FGFR2: variants seen among roughly 807,000 people sequenced by gnomAD.
FGFR2 encodes the protein fibroblast growth factor receptor 2.
Under a neutral mutation model 95.9 loss-of-function variants are expected in FGFR2, and 19 were observed. The observed-to-expected ratio is 0.20, with a 90% CI of 0.14 to 0.29. The LOEUF is 0.29. Among genes scored for constraint, FGFR2 ranks in the 10% least tolerant of loss-of-function variants. The pLI, the probability that FGFR2 is intolerant of heterozygous loss-of-function variation, is 1.00. For missense variants in FGFR2, 707 were observed against 1,056.9 expected (o/e 0.67, Z 4.59); for synonymous variants, 392 against 393.3 (o/e 1.00, Z 0.04).
intron 17 of FGFR2, 52 bp downstream of exon 17, chr10:121,483,646 C>T (rs1845044491): frequency 1.5e-5 from 19 of 1,285,554 alleles, no homozygotes; most frequent in South Asian, 1.2e-4. Flanking sequence ...AAACACTACG[C>T]ATGTCTCACA....
intron 4 of FGFR2, among the ~76,000 whole-genome samples, chr10:121,562,072 T>C (rs936079131): frequency 1.3e-5 from 2 of 152,214 alleles, no homozygotes; most frequent in Admixed American, 1.3e-4. Context: ...CTCTCATTCA[T>C]TGCTGGTGGG....
chr10:121,533,879 C>T (rs1198630636), intron 6 of FGFR2, among the ~76,000 whole-genome samples: 1 of 152,154 alleles, frequency 6.6e-6, no homozygotes, highest in Non-Finnish European at 1.5e-5. Context: ...TGAACCTGAA[C>T]TTCCTCCACT....
intron 4 of FGFR2, among the ~76,000 whole-genome samples, chr10:121,553,428 TG>T (rs1478313693): frequency 6.6e-6 from 1 of 152,200 alleles, no homozygotes; most frequent in African/African-American, 2.4e-5. Flanking sequence ...TCTCAGGGCC[TG>T]GCATATACTG....
chr10:121,548,281 G>GTTTTTTTTTT (rs1854856584), intron 5 of FGFR2, among the ~76,000 whole-genome samples: 11 of 31,996 alleles, frequency 3.4e-4, no homozygotes, highest in Middle Eastern at 0.016. Flanking sequence ...TTTTTTTTTG[G>GTTTTTTTTTT]TAAAGCAAAA....
intron 2 of FGFR2, among the ~76,000 whole-genome samples, chr10:121,572,288 T>A (rs529489659): frequency 1.3e-5 from 2 of 151,988 alleles, no homozygotes. Flanking sequence ...ACTGCATTCC[T>A]GCCTGGGTGA....
At position 121,561,856 on chromosome 10, in the gene FGFR2, C is replaced by T. The variant is rs1390285654; in HGVS notation, c.454+2646G>A. Among the ~76,000 whole-genome samples the T allele has an allele frequency of 2.0e-5, 3 of 152,196 alleles. No individual in the cohort carries two copies. The East Asian group carries it at 5.8e-4, about 29-fold the overall frequency. The stretch of plus-strand genomic sequence containing the variant: ...TATAACTCGACAGTAAGAAAACAAA[C>T]AACCTAATTAAAAAATGGGCCAACG... On this transcript the variant is annotated intron_variant, in intron 4 of 17. Transcript: ENST00000358487.
chr10:121,505,447 G>A (rs1848145527), intron 9 of FGFR2, among the ~76,000 whole-genome samples: 1 of 152,206 alleles, frequency 6.6e-6, no homozygotes, highest in South Asian at 2.1e-4. Flanking sequence ...TATGCAGATA[G>A]TATGAGCAAC....
Position 121,503,814 on chromosome 10 carries a change from G to T in FGFR2, c.1415C>A (p.Pro472Gln), listed in dbSNP as rs1459232873. 6.2e-7 allele frequency: 1 copy of T among 1,614,088 alleles called. No individual in the cohort carries two copies. The highest frequency in any genetic ancestry group is 8.5e-7 in the Non-Finnish European group (1 of 1,180,016). ...CTTATCTCTTGGAAACTCCCATTTTGGGTCCTCTGGAAGTTCATACTCGGA... is the reference window on the plus strand; with the variant it reads ...CTTATCTCTTGGAAACTCCCATTTTTGGTCCTCTGGAAGTTCATACTCGGA... ...GVSEYELPED[P>Q]KWEFPRDKLT... Residue 472 changes from proline to glutamine, a missense_variant, in exon 10 of 18, where the codon CCA (proline) becomes CAA (glutamine). Around this residue, in one of 7 missense-constraint regions of FGFR2, gnomAD observed 194 missense variants for 267.3 expected, o/e 0.73. Coordinates refer to ENST00000358487, the MANE Select transcript of FGFR2 (RefSeq NM_000141.5).
intron 9 of FGFR2, 66 bp downstream of exon 9, chr10:121,515,051 C>T (rs908216222): frequency 3.4e-6 from 5 of 1,489,890 alleles, no homozygotes; most frequent in Middle Eastern, 4.3e-4. Flanking sequence ...AAGCAGAGGA[C>T]AAGATCCACA....
intron 6 of FGFR2, among the ~76,000 whole-genome samples, chr10:121,523,154 T>C (rs1037020831): frequency 6.6e-6 from 1 of 152,224 alleles, no homozygotes; most frequent in South Asian, 2.1e-4. Context: ...CAGACATCTA[T>C]GTTTTCACAT....
At chr10:121,563,267 G>C (rs1347733233) in intron 4 of FGFR2, among the ~76,000 whole-genome samples, 1 of 152,038 alleles carries the variant, frequency 6.6e-6, no homozygotes, top group African/African-American at 2.4e-5. Context: ...CTAGTTACTC[G>C]GGAGGCTGAG....
chr10:121,490,474 C>T (rs1225850808), intron 13 of FGFR2, among the ~76,000 whole-genome samples: 2 of 152,126 alleles, frequency 1.3e-5, no homozygotes, highest in African/African-American at 4.8e-5. Flanking sequence ...TATGATTTTT[C>T]CTTTCTACAA....
In FGFR2 at chr10:121,490,986, G is replaced by A. The variant is rs373241871; in HGVS notation, c.1864-2873C>T. On this transcript the variant is annotated intron_variant, in intron 13 of 17. Transcript: ENST00000358487. ...GTCTGGGGCTGCAGCCCTGTTCCCA[G>A]TTTTGGAGGCCTGTTCAAATTGAAC... Among the ~76,000 whole-genome samples the A allele has an allele frequency of 2.6e-5, 4 of 152,308 alleles. 1 individual carries two copies. The highest frequency in any genetic ancestry group is 1.3e-4 in the Admixed American group (2 of 15,298).
intron 1 of FGFR2, 52 bp from the exon 2 acceptor site, chr10:121,594,019 T>C: frequency 1.5e-6 from 1 of 661,020 alleles, no homozygotes. Flanking sequence ...GCCAAATCAC[T>C]CCAGCCCAAG....
At chr10:121,540,208 A>G (rs1853493558) in intron 5 of FGFR2, among the ~76,000 whole-genome samples, 1 of 152,192 alleles carries the variant, frequency 6.6e-6, no homozygotes, top group African/African-American at 2.4e-5. Context: ...GTAGTTTCAG[A>G]GTCTAACAGC....
At chr10:121,491,920 T>G (rs1846192012) in intron 13 of FGFR2, among the ~76,000 whole-genome samples, 1 of 148,604 alleles carries the variant, frequency 6.7e-6, no homozygotes, top group Non-Finnish European at 1.5e-5. Flanking sequence ...GGCTCATGCC[T>G]GTAATCCCAG....
intron 6 of FGFR2, among the ~76,000 whole-genome samples, chr10:121,534,146 T>G (rs1029007375): frequency 1.4e-5 from 2 of 141,250 alleles, no homozygotes; most frequent in Non-Finnish European, 3.0e-5. Flanking sequence ...TCGCCCAGGC[T>G]GGAGTGCAAT....
intron 6 of FGFR2, among the ~76,000 whole-genome samples, chr10:121,527,234 C>T (rs575618168): frequency 2.2e-4 from 34 of 152,246 alleles, no homozygotes; most frequent in African/African-American, 8.2e-4. Context: ...TATTATTTGG[C>T]TTGGGGTTGA....
rs1334372911 is a variant in FGFR2, at chr10:121,490,459, C to T, written c.1864-2346G>A. ...GATTATAGGCGTGAGCCACCACGCC[C>T]GGCCTATGATTTTTCCTTTCTACAA... On this transcript the variant is annotated intron_variant, in intron 13 of 17. Transcript: ENST00000358487. Among the ~76,000 whole-genome samples, 11 of 152,160 alleles carry T rather than the reference C, an allele frequency of 7.2e-5. No individual in the cohort carries two copies. In the East Asian group the frequency reaches 1.5e-3, roughly 21 times the overall value.
Sources: gnomAD v4.1 joint callset for allele counts (sites outside exome capture counted in the v4.1 genomes callset) on GRCh38, gnomAD v4.1.1 for gene constraint, gnomAD v4.1.1 regional missense constraint, MANE v1.5 for transcripts, NCBI Gene and HGNC (gene_info 2026-07-23, HGNC 2026-07-21) for gene names.